Variants in FHIP1B observed in about 807,000 individuals in gnomAD.
FHIP1B encodes the protein FHF complex subunit HOOK-interacting protein 1B.
In FHIP1B, 28 loss-of-function variants were observed where a neutral mutation model predicts 82.2. The observed-to-expected ratio is 0.34, with a 90% confidence interval of 0.25 to 0.47. The LOEUF is 0.47. FHIP1B is among the 20% of genes least tolerant of loss of function. FHIP1B has a pLI of 1.00. For synonymous variants in FHIP1B, 585 were observed against 516.1 expected (o/e 1.13, Z -1.81); for missense variants, 1,110 against 1,262.6 (o/e 0.88, Z 1.83).
rs1233726809 is a variant in FHIP1B, at chr11:6,232,452, C to T, written c.-192+2092G>A. On this transcript the variant is annotated intron_variant, in intron 1 of 11. Transcript: ENST00000449352. ...TTTTGGAAATAGAACAATTACAAAT[C>T]ATTAAAAAATCCTCCCACATCACCT... Among the ~76,000 whole-genome samples the T allele has an allele frequency of 2.0e-5, 3 of 152,158 alleles. No homozygotes were observed. The East Asian group carries it at 5.8e-4, about 29-fold the overall frequency.
chr11:6,219,605 A>C (rs1441063374), intron 6 of FHIP1B, among the ~76,000 whole-genome samples: 1 of 152,216 alleles, frequency 6.6e-6, no homozygotes, highest in African/African-American at 2.4e-5. Context: ...AGAACAACTC[A>C]AGCGCAGCTG....
intron 1 of FHIP1B, among the ~76,000 whole-genome samples, chr11:6,233,252 C>A (rs559556183): frequency 8.5e-4 from 130 of 152,338 alleles, no homozygotes; most frequent in African/African-American, 2.8e-3. Context: ...TCCCTGTCCA[C>A]TGTAGAGTTA....
chr11:6,223,191 C>A lies in FHIP1B; in HGVS notation c.825G>T (p.Lys275Asn). 6.2e-7 allele frequency: 1 copy of A among 1,606,626 alleles called. No individual in the cohort carries two copies. Among genetic ancestry groups the A allele is most frequent in the Non-Finnish European group, 8.5e-7 (1 of 1,178,268 alleles). Residue 275 changes from lysine to asparagine, a missense_variant, in exon 4 of 12, where the codon AAG becomes AAT. By Grantham distance (94) the Lys-to-Asn change is moderately conservative. Coordinates refer to ENST00000449352, the MANE Select transcript of FHIP1B (RefSeq NM_001098794.2). This position sits in a 1 kb window ranked among gnomAD's most constrained non-coding sequence, Gnocchi z 4.8. ...LSALYSSLPRKIEVPGDDWHC... is the reference protein window; with the variant it reads ...LSALYSSLPRNIEVPGDDWHC... ...GCCAATCATCCCCTGGAACCTCAAT[C>A]TTTCGAGGCAGTGATGAGTACAGGG...
At chr11:6,224,355 G>A in intron 2 of FHIP1B, 24 bp downstream of exon 2, 3 of 1,614,232 alleles carry the variant, frequency 1.9e-6, no homozygotes, top group Non-Finnish European at 2.5e-6. Context: ...AGCAGACAAG[G>A]CCCTTTGCCA....
intron 10 of FHIP1B, 74 bp from the exon 11 acceptor site, chr11:6,214,647 G>A (rs1590605714): frequency 1.3e-6 from 2 of 1,552,058 alleles, no homozygotes; most frequent in Non-Finnish European, 1.7e-6. Flanking sequence ...CACTGGGCCT[G>A]TTCCCAGCCC....
In FHIP1B at chr11:6,218,099, G is replaced by A. The variant is rs1428980709; in HGVS notation, c.1487C>T (p.Pro496Leu). 8 of 1,613,608 alleles carry A rather than the reference G, an allele frequency of 5.0e-6. No homozygotes were observed. The highest frequency in any genetic ancestry group is 1.7e-4 in the Middle Eastern group (1 of 6,058). ...GAGAGCCAGACGAGATGGTGTGGAG[G>A]GCCGGGGTACTGTCGTCACAGAAGA... ...DSSSVTTVPR[P>L]STPSRLALFL... is the part of the protein sequence containing the mutation. Residue 496 changes from proline to leucine, a missense_variant, in exon 9 of 12, where the codon CCC becomes CTC. Pro to Leu is a moderately conservative substitution (Grantham distance 98). Coordinates refer to ENST00000449352, the MANE Select transcript of FHIP1B (RefSeq NM_001098794.2).
chr11:6,226,068 G>A (rs1847556269), intron 1 of FHIP1B, among the ~76,000 whole-genome samples: 1 of 152,104 alleles, frequency 6.6e-6, no homozygotes, highest in Non-Finnish European at 1.5e-5. Context: ...AAGGAAAGGG[G>A]TGGTTCAGTT....
At chr11:6,229,836 C>A (rs192649680) in intron 1 of FHIP1B, among the ~76,000 whole-genome samples, 2 of 152,266 alleles carry the variant, frequency 1.3e-5, no homozygotes, top group East Asian at 3.9e-4. Context: ...GCCCTGTTCA[C>A]ATACAACAAA....
At position 6,226,646 on chromosome 11, in the gene FHIP1B, G is replaced by T. The variant is rs1009367031; in HGVS notation, c.-191-1939C>A. Among the ~76,000 whole-genome samples the T allele has an allele frequency of 3.9e-5, 6 of 152,316 alleles. No homozygotes were observed. The East Asian group carries it at 7.7e-4, about 20-fold the overall frequency. On this transcript the variant is annotated intron_variant, in intron 1 of 11. Coordinates refer to ENST00000449352, the MANE Select transcript of FHIP1B (RefSeq NM_001098794.2). ...CGTGAAAGAACACGAAAAATTCAAA[G>T]AACAGTTGCAAATTTAGTGTGCCTT...
At chr11:6,230,012 C>T (rs1847658452) in intron 1 of FHIP1B, among the ~76,000 whole-genome samples, 1 of 151,774 alleles carries the variant, frequency 6.6e-6, no homozygotes, top group Non-Finnish European at 1.5e-5. Flanking sequence ...TGCCACTCTC[C>T]AGATTTACCT....
chr11:6,231,051 A>G (rs1847683879), intron 1 of FHIP1B, among the ~76,000 whole-genome samples: 2 of 152,214 alleles, frequency 1.3e-5, no homozygotes, highest in African/African-American at 4.8e-5. Context: ...ATTTTCAGAA[A>G]AATCATTCTA....
chr11:6,221,911 C>T lies in FHIP1B; in HGVS notation c.1191+531G>A, dbSNP rs147754294. ...TCACTGTATCCCCAGCACCAGCAAA[C>T]AGTATGGCACACAGTGAACATTCAG... On this transcript the variant is annotated intron_variant, in intron 6 of 11. Coordinates refer to ENST00000449352, the MANE Select transcript of FHIP1B (RefSeq NM_001098794.2). 1.1e-3 allele frequency among the ~76,000 whole-genome samples: 174 copies of T among 152,264 alleles called. 2 individuals carry two copies. Among genetic ancestry groups the T allele is most frequent in the Admixed American group, 2.6e-3 (40 of 15,302 alleles).
At chr11:6,232,328 G>A (rs1300671069) in intron 1 of FHIP1B, among the ~76,000 whole-genome samples, 2 of 152,194 alleles carry the variant, frequency 1.3e-5, no homozygotes, top group African/African-American at 4.8e-5. Flanking sequence ...CCACTATCAA[G>A]ATGTGATCCA....
chr11:6,223,436 C>T lies in FHIP1B; in HGVS notation c.777+174G>A, dbSNP rs891257150. On this transcript the variant is annotated intron_variant, in intron 3 of 11. Transcript: ENST00000449352. The surrounding 1 kb of genome is among the most constrained non-coding windows in gnomAD (Gnocchi z 4.8). ...AAAGAGACTTAGTATCTGCCCTATC[C>T]ATCTAAGCCCATGATTCATCCCCAC... is the stretch of plus-strand genomic sequence containing the variant. Among the ~76,000 whole-genome samples, 1 of 152,320 alleles carries T rather than the reference C, an allele frequency of 6.6e-6. No individual in the cohort carries two copies. Among genetic ancestry groups the T allele is most frequent in the Non-Finnish European group, 1.5e-5 (1 of 68,034 alleles).
In FHIP1B at chr11:6,223,802, C is replaced by T; in HGVS notation, c.585G>A (p.Glu195=). The change falls in exon 3 of 12, where the codon GAG becomes GAA. Residue 195 remains glutamate, a synonymous_variant. Transcript: ENST00000449352. This position sits in a 1 kb window ranked among gnomAD's most constrained non-coding sequence, Gnocchi z 4.8. ...VCVAQEPSLL[E]FFLQPPPEPG... ...GCTCAGGAGGTGGCTGCAGGAAGAACTCGAGCAATGAAGGCTCCTGGGCCA... is the reference window on the plus strand; with the variant it reads ...GCTCAGGAGGTGGCTGCAGGAAGAATTCGAGCAATGAAGGCTCCTGGGCCA... The T allele has an allele frequency of 1.2e-6, 2 of 1,614,184 alleles. No individual in the cohort carries two copies. The highest frequency in any genetic ancestry group is 1.7e-6 in the Non-Finnish European group (2 of 1,180,016).
chr11:6,216,828 T>A (rs1224601689), intron 9 of FHIP1B: 3 of 561,370 alleles, frequency 5.3e-6, no homozygotes, highest in Non-Finnish European at 9.5e-6. Context: ...CAGGAAAAAC[T>A]TGAAATCAAG....
Position 6,217,435 on chromosome 11 carries a change from G to A in FHIP1B, c.2151C>T (p.Pro717=). The change falls in exon 9 of 12, where the codon CCC becomes CCT. Residue 717 remains proline (P), a synonymous_variant. Coordinates refer to ENST00000449352, the MANE Select transcript of FHIP1B (RefSeq NM_001098794.2). ...AYESFTCPPE[P]PGPFLSSPLR... The stretch of plus-strand genomic sequence containing the variant: ...AAGGGCTGCTGAGGAAGGGGCCAGG[G>A]GGCTCAGGGGGACAGGTGAAGCTCT... 8 of 1,614,084 alleles carry A rather than the reference G, an allele frequency of 5.0e-6. No homozygotes were observed. Among genetic ancestry groups the A allele is most frequent in the Non-Finnish European group, 6.8e-6 (8 of 1,179,964 alleles).
Position 6,222,610 on chromosome 11 carries a change from C to A in FHIP1B, c.1024-1G>T. ...TGGCGATCATCTCCTCCACAGAGGTCTGCACAAAAAGAAGGGAAAGTCTGG... is the reference window on the plus strand; with the variant it reads ...TGGCGATCATCTCCTCCACAGAGGTATGCACAAAAAGAAGGGAAAGTCTGG... On this transcript the variant is annotated splice_acceptor_variant, in intron 5 of 11. Transcript: ENST00000449352. LOFTEE classifies it high-confidence loss of function. 1 of 1,613,922 alleles carries A rather than the reference C, an allele frequency of 6.2e-7. No individual in the cohort carries two copies. Among genetic ancestry groups the A allele is most frequent in the South Asian group, 1.1e-5 (1 of 91,048 alleles).
At chr11:6,216,205 A>G (rs1267650575) in intron 9 of FHIP1B, among the ~76,000 whole-genome samples, 3 of 152,264 alleles carry the variant, frequency 2.0e-5, no homozygotes, top group Non-Finnish European at 4.4e-5. Context: ...GGAGGCAAGA[A>G]GAGGGAATTG....
Sources: allele counts gnomAD v4.1 joint callset (sites outside exome capture counted in the v4.1 genomes callset), GRCh38; gene constraint gnomAD v4.1.1; non-coding constraint Gnocchi (gnomAD v3.1); transcripts MANE v1.5; gene names NCBI Gene and HGNC (gene_info 2026-07-23, HGNC 2026-07-21).